INVS: variants seen among roughly 807,000 people sequenced by gnomAD.
INVS encodes inversin.
Under a neutral mutation model 108.8 loss-of-function variants are expected in INVS, and 86 were observed. The ratio of observed to expected loss-of-function variants is 0.79; its 90% CI spans 0.66 to 0.95. INVS has a LOEUF of 0.95. INVS is among the 40% of genes least tolerant of loss of function. The pLI is 0.00. For synonymous variants in INVS, 455 were observed against 473.5 expected, an observed-to-expected ratio of 0.96 and a Z score of 0.51; for missense variants, 1,169 against 1,297.4, an observed-to-expected ratio of 0.90 and a Z score of 1.52.
chr9:100,255,565 C>T (rs942503111), intron 10 of INVS, among the ~76,000 whole-genome samples: 39 of 152,050 alleles, frequency 2.6e-4, no homozygotes, highest in African/African-American at 8.2e-4. Context: ...ATAAATAGCT[C>T]TTATTATTTT....
intron 1 of INVS, among the ~76,000 whole-genome samples, chr9:100,100,797 A>ATATATAT (rs1564111794): frequency 2.5e-3 from 18 of 7,228 alleles, no homozygotes; most frequent in South Asian, 6.1e-3. Flanking sequence ...TATATATATA[A>ATATATAT]TATATGTATA....
intron 4 of INVS, among the ~76,000 whole-genome samples, chr9:100,228,192 T>C (rs1010475018): frequency 2.0e-5 from 3 of 152,056 alleles, no homozygotes; most frequent in Non-Finnish European, 2.9e-5. Flanking sequence ...GGTTTCACCA[T>C]GTTGACCAGG....
intron 13 of INVS, among the ~76,000 whole-genome samples, chr9:100,284,870 A>G (rs745657421): frequency 4.6e-5 from 7 of 152,104 alleles, no homozygotes; most frequent in Non-Finnish European, 1.0e-4. Context: ...TGAAGTGTGA[A>G]AACCTCACTT....
chr9:100,195,001 T>C (rs781693852), intron 3 of INVS, among the ~76,000 whole-genome samples: 2 of 152,116 alleles, frequency 1.3e-5, no homozygotes, highest in Non-Finnish European at 2.9e-5. Flanking sequence ...ATCTGCATCA[T>C]AGGAGCAAAA....
At position 100,278,593 on chromosome 9, in the gene INVS, A is replaced by G. The variant is rs117747422; in HGVS notation, c.1784+5517A>G. On this transcript the variant is annotated intron_variant, in intron 12 of 16. Transcript: ENST00000262457. ...TTTGGTATATAGTAAGCATTCAATA[A>G]ATAAATGTTCAGTAAATTCCCCTAC... Among the ~76,000 whole-genome samples, 10 of 152,326 alleles carry G rather than the reference A, an allele frequency of 6.6e-5. No individual in the cohort carries two copies. The East Asian group carries it at 1.9e-3, about 29-fold the overall frequency.
rs1395678540 is a variant in INVS at position 100,284,423 on chromosome 9, C to G, written c.1888C>G (p.Gln630Glu). Residue 630 changes from glutamine to glutamate, a missense_variant, in exon 13 of 17, where the codon CAG becomes GAG. By Grantham distance (29) the Gln-to-Glu change is conservative. Transcript: ENST00000262457. ...PQALPCLPST[Q>E]DVPSRQSRAP... ...GGCCCTTCCCTGTCTGCCTAGCACC[C>G]AGGATGTGCCCAGCAGGCAGAGCCG... 1.9e-6 allele frequency: 3 copies of G among 1,614,042 alleles called. No individual in the cohort carries two copies. Among genetic ancestry groups the G allele is most frequent in the Non-Finnish European group, 2.5e-6 (3 of 1,180,042 alleles).
intron 3 of INVS, chr9:100,175,716 C>G: frequency 1.6e-6 from 1 of 628,162 alleles, no homozygotes; most frequent in Non-Finnish European, 3.0e-6. Flanking sequence ...GTCTGGGAAC[C>G]TTTCAATGCA....
intron 2 of INVS, among the ~76,000 whole-genome samples, chr9:100,111,101 G>A (rs771969887): frequency 1.3e-5 from 2 of 152,108 alleles, no homozygotes; most frequent in Non-Finnish European, 2.9e-5. Context: ...ACAGCAAAAT[G>A]CCTTCCCAAG....
At chr9:100,168,552 C>T (rs562249973) in intron 3 of INVS, among the ~76,000 whole-genome samples, 2 of 152,194 alleles carry the variant, frequency 1.3e-5, no homozygotes, top group East Asian at 1.9e-4. Flanking sequence ...TCATGAGGAA[C>T]GTGAGCAGTT....
rs1099910 is a variant in INVS at position 100,178,293 on chromosome 9, A to T, written c.274-47769A>T. Among the ~76,000 whole-genome samples, 5 of 152,040 alleles carry T rather than the reference A, an allele frequency of 3.3e-5. 1 individual carries two copies. The South Asian group carries it at 6.2e-4, about 19-fold the overall frequency. ...CAGAGAATGAGTTTGATGAATTGAC[A>T]GAAGTAGGCTTCAGAAGGTGGGCAA... On this transcript the variant is annotated intron_variant, in intron 3 of 16. Transcript: ENST00000262457.
At chr9:100,297,898 C>T in intron 15 of INVS, 38 bp from the exon 16 acceptor site, 1 of 1,610,930 alleles carries the variant, frequency 6.2e-7, no homozygotes, top group Non-Finnish European at 8.5e-7. Flanking sequence ...AAACGTATCC[C>T]TGGCCAAAGA....
chr9:100,271,275 C>A (rs1832946620), intron 11 of INVS, among the ~76,000 whole-genome samples: 1 of 152,076 alleles, frequency 6.6e-6, no homozygotes, highest in Non-Finnish European at 1.5e-5. Flanking sequence ...TTGCTTTTTT[C>A]TTTGTCTTCA....
chr9:100,292,263 C>T (rs1564193085), intron 13 of INVS, 63 bp from the exon 14 acceptor site: 1 of 1,372,816 alleles, frequency 7.3e-7, no homozygotes, highest in Non-Finnish European at 1.0e-6. Context: ...TTTATGTGAA[C>T]ATATTAGGAA....
chr9:100,110,608 G>A (rs1285925703), intron 2 of INVS, among the ~76,000 whole-genome samples: 1 of 152,116 alleles, frequency 6.6e-6, no homozygotes, highest in Non-Finnish European at 1.5e-5. Flanking sequence ...AATCTGGTAA[G>A]CTTCTGGACT....
At chr9:100,183,867 A>C (rs1281194913) in intron 3 of INVS, among the ~76,000 whole-genome samples, 2 of 151,184 alleles carry the variant, frequency 1.3e-5, no homozygotes, top group Non-Finnish European at 2.9e-5. Context: ...ATTTTTTCTT[A>C]ATTTCTTTAA....
At chr9:100,234,627 G>A (rs1018882551) in intron 5 of INVS, among the ~76,000 whole-genome samples, 8 of 152,168 alleles carry the variant, frequency 5.3e-5, no homozygotes, top group African/African-American at 1.9e-4. Context: ...TATTTGCTCA[G>A]TAGTCATTCA....
intron 11 of INVS, among the ~76,000 whole-genome samples, chr9:100,269,360 C>T (rs1209938907): frequency 6.8e-6 from 1 of 147,286 alleles, no homozygotes; most frequent in Admixed American, 6.7e-5. Context: ...CATTTTAGAA[C>T]TTGTAGCAAA....
intron 8 of INVS, among the ~76,000 whole-genome samples, chr9:100,250,506 G>C (rs1470002223): frequency 6.6e-6 from 1 of 151,868 alleles, no homozygotes; most frequent in Non-Finnish European, 1.5e-5. Flanking sequence ...ATTTAGGTCA[G>C]TGGTTCCCAA....
Position 100,197,110 on chromosome 9 carries a change from C to G in INVS, c.274-28952C>G, listed in dbSNP as rs565728934. 6.6e-5 allele frequency among the ~76,000 whole-genome samples: 10 copies of G among 152,274 alleles called. No homozygotes were observed. In the South Asian group the frequency reaches 1.2e-3, roughly 19 times the overall value. On this transcript the variant is annotated intron_variant, in intron 3 of 16. Coordinates refer to ENST00000262457, the MANE Select transcript of INVS (RefSeq NM_014425.5). Reference sequence around the variant, plus strand: ...TGCCTCATGCTTCAGACACCAGTTACAAGTCAAGGCCCCCTGAACTTCTGA... The same window carrying G: ...TGCCTCATGCTTCAGACACCAGTTAGAAGTCAAGGCCCCCTGAACTTCTGA...
Sources: allele counts gnomAD v4.1 joint callset (sites outside exome capture counted in the v4.1 genomes callset), GRCh38; gene constraint gnomAD v4.1.1; transcripts MANE v1.5; gene names NCBI Gene and HGNC (gene_info 2026-07-23, HGNC 2026-07-21).